Variants in CPE observed in about 807,000 individuals in gnomAD.
CPE encodes the protein carbocypeptidase E.
In CPE, 17 loss-of-function variants were observed where a neutral mutation model predicts 53.5. The observed-to-expected ratio is 0.32, with a 90% CI of 0.22 to 0.48. CPE has a LOEUF of 0.48. Among genes scored for constraint, CPE ranks in the 20% least tolerant of loss-of-function variants. The probability of loss-of-function intolerance (pLI) is 0.99; values close to 1 mark genes in which losing one functional copy is unlikely to be tolerated. For missense variants in CPE, 524 were observed against 614.7 expected, an observed-to-expected ratio of 0.85 and a Z score of 1.56; for synonymous variants, 226 against 228.8, an observed-to-expected ratio of 0.99 and a Z score of 0.11.
chr4:165,408,588 A>G (rs1730988812), intron 1 of CPE, among the ~76,000 whole-genome samples: 2 of 152,240 alleles, frequency 1.3e-5, no homozygotes, highest in Admixed American at 6.5e-5. Context: ...ACTTATTCCA[A>G]TATACCAGTG....
intron 1 of CPE, among the ~76,000 whole-genome samples, chr4:165,424,125 A>ATT (rs71602591): frequency 0.3 from 44,357 of 150,290 alleles, 6,539 homozygotes; most frequent in Middle Eastern, 0.38. Context: ...TTCTTGCTGC[A>ATT]TTTTTTTTTA....
In CPE at chr4:165,379,076, C is replaced by T; in HGVS notation, c.-146C>T. The T allele has an allele frequency of 1.4e-6, 1 of 714,960 alleles. No homozygotes were observed. The highest frequency in any genetic ancestry group is 1.9e-6 in the Non-Finnish European group (1 of 528,538). 44.3% of individuals were successfully genotyped at this position (714,960 alleles called of 1,614,324 possible). On this transcript the variant is annotated 5_prime_UTR_variant, in exon 1 of 9. Coordinates refer to ENST00000402744, the MANE Select transcript of CPE (RefSeq NM_001873.4). The surrounding 1 kb of genome is among the most constrained non-coding windows in gnomAD (Gnocchi z 6.0). The stretch of plus-strand genomic sequence containing the variant: ...GGTGGCCCCAGTGCGCGGGCTGACA[C>T]TCATTCAGCCGGGGAAGGTGAGGCG...
intron 1 of CPE, among the ~76,000 whole-genome samples, chr4:165,444,513 TAAAAA>T (rs1731668726): frequency 6.6e-6 from 1 of 150,632 alleles, no homozygotes; most frequent in Non-Finnish European, 1.5e-5. Flanking sequence ...AAAAAAAAAT[TAAAAA>T]AGAAAAGAAA....
chr4:165,483,874 A>G (rs1221001692), intron 4 of CPE, among the ~76,000 whole-genome samples: 2 of 152,220 alleles, frequency 1.3e-5, no homozygotes, highest in Non-Finnish European at 2.9e-5. Context: ...TGGGGAAATA[A>G]CATTGTTAAA....
At chr4:165,482,997 G>C (rs986813714) in intron 4 of CPE, among the ~76,000 whole-genome samples, 3 of 150,422 alleles carry the variant, frequency 2.0e-5, no homozygotes, top group Admixed American at 2.0e-4. Flanking sequence ...AGGATGATTA[G>C]TTTGTTTTTT....
At chr4:165,405,474 G>T in intron 1 of CPE, 1 of 862,080 alleles carries the variant, frequency 1.2e-6, no homozygotes, top group Non-Finnish European at 2.0e-6. Flanking sequence ...GTGGGATAAA[G>T]GGAAAGCCCT....
At chr4:165,486,144 A>C (rs1303549484) in intron 5 of CPE, among the ~76,000 whole-genome samples, 2 of 152,082 alleles carry the variant, frequency 1.3e-5, no homozygotes, top group Non-Finnish European at 2.9e-5. Flanking sequence ...GAGAGATAGC[A>C]TGATGTAACT....
At chr4:165,419,322 G>A (rs866373912) in intron 1 of CPE, among the ~76,000 whole-genome samples, 3 of 152,250 alleles carry the variant, frequency 2.0e-5, no homozygotes, top group African/African-American at 7.2e-5. Flanking sequence ...GGAGCTGAGT[G>A]TGTGGTGATG....
intron 4 of CPE, among the ~76,000 whole-genome samples, chr4:165,482,814 T>C (rs1732438234): frequency 6.6e-6 from 1 of 152,184 alleles, no homozygotes; most frequent in South Asian, 2.1e-4. Context: ...TTTCTGGTGG[T>C]GTCAGGGAGG....
chr4:165,466,875 T>TTG (rs1372027995), intron 2 of CPE, among the ~76,000 whole-genome samples: 2 of 152,206 alleles, frequency 1.3e-5, no homozygotes, highest in Admixed American at 1.3e-4. Flanking sequence ...TTTGGACTCT[T>TTG]TGTAATAACA....
chr4:165,493,034 A>G, intron 6 of CPE, 137 bp from the exon 7 acceptor site: 1 of 555,172 alleles, frequency 1.8e-6, no homozygotes, highest in Non-Finnish European at 3.2e-6. Flanking sequence ...CCTTTTGTGC[A>G]TGTCTTGATT....
chr4:165,482,204 A>G (rs972676357), intron 3 of CPE, 38 bp from the exon 4 acceptor site: 1 of 1,359,378 alleles, frequency 7.4e-7, no homozygotes, highest in Non-Finnish European at 1.0e-6. Flanking sequence ...ACCAATGATT[A>G]TTAAATTTAT....
rs796545352 is a variant in CPE, at chr4:165,475,608, C to T, written c.673-6634C>T. ...TGGTGTACAAGGCCATTTGAGAACA[C>T]GAAGGAGAATAGGAGGTGAATAGGT... On this transcript the variant is annotated intron_variant, in intron 3 of 8. Coordinates refer to ENST00000402744, the MANE Select transcript of CPE (RefSeq NM_001873.4). Among the ~76,000 whole-genome samples, 10 of 152,080 alleles carry T rather than the reference C, an allele frequency of 6.6e-5. 1 individual carries two copies. The highest frequency in any genetic ancestry group is 9.6e-5 in the African/African-American group (4 of 41,472).
chr4:165,391,426 C>T (rs1010397603), intron 1 of CPE, among the ~76,000 whole-genome samples: 1 of 152,062 alleles, frequency 6.6e-6, no homozygotes, highest in Non-Finnish European at 1.5e-5. Flanking sequence ...TTTCATTTTC[C>T]ATAATATTCT....
chr4:165,414,592 A>G (rs56324262), intron 1 of CPE, among the ~76,000 whole-genome samples: 85,768 of 151,618 alleles, frequency 0.57, 24,782 homozygotes, highest in African/African-American at 0.69. Context: ...TCCATCTTAA[A>G]GTAGTTTGAT....
intron 1 of CPE, among the ~76,000 whole-genome samples, chr4:165,396,303 CA>C (rs1159466778): frequency 6.6e-6 from 1 of 152,122 alleles, no homozygotes; most frequent in Non-Finnish European, 1.5e-5. Flanking sequence ...GTAACTCCTA[CA>C]ACTTGACTTT....
intron 1 of CPE, among the ~76,000 whole-genome samples, chr4:165,407,555 T>G: frequency 6.6e-6 from 1 of 150,994 alleles, no homozygotes; most frequent in East Asian, 1.9e-4. Flanking sequence ...ATTTTTTCTT[T>G]TTTTTTTTTT....
intron 1 of CPE, among the ~76,000 whole-genome samples, chr4:165,431,449 T>C (rs1018866718): frequency 1.3e-5 from 2 of 152,166 alleles, no homozygotes; most frequent in Non-Finnish European, 2.9e-5. Flanking sequence ...GCACAAACTA[T>C]GTTTAGGGCA....
intron 1 of CPE, among the ~76,000 whole-genome samples, chr4:165,403,676 T>A (rs1730906810): frequency 6.6e-6 from 1 of 152,024 alleles, no homozygotes; most frequent in South Asian, 2.1e-4. Flanking sequence ...ATTCTTTTTT[T>A]TTTTTTTTTT....
Sources: allele counts gnomAD v4.1 joint callset (sites outside exome capture counted in the v4.1 genomes callset), GRCh38; gene constraint gnomAD v4.1.1; non-coding constraint Gnocchi (gnomAD v3.1); transcripts MANE v1.5; gene names NCBI Gene and HGNC (gene_info 2026-07-23, HGNC 2026-07-21).